TGS1: variants seen among roughly 807,000 people sequenced by gnomAD.
TGS1 encodes trimethylguanosine synthase 1.
TGS1 carries 69 observed loss-of-function variants against 92.2 expected under a neutral mutation model. That is an observed-to-expected ratio of 0.75 (90% confidence interval 0.62 to 0.91). TGS1 has a LOEUF of 0.91. Ranked by LOEUF, TGS1 falls within the 40% of genes least tolerant of loss-of-function variation. TGS1 has a pLI of 0.00. For missense variants in TGS1, 1,062 were observed against 1,001.2 expected (o/e 1.06, Z -0.82); for synonymous variants, 345 against 338.1 (o/e 1.02, Z -0.22).
intron 12 of TGS1, among the ~76,000 whole-genome samples, chr8:55,817,846 G>T (rs1016030671): frequency 1.3e-5 from 2 of 152,188 alleles, no homozygotes; most frequent in African/African-American, 4.8e-5. Flanking sequence ...ACTCACAAGT[G>T]CATTCATCCT....
At chr8:55,789,864 A>G (rs1364391931) in intron 4 of TGS1, among the ~76,000 whole-genome samples, 1 of 152,234 alleles carries the variant, frequency 6.6e-6, no homozygotes, top group Non-Finnish European at 1.5e-5. Flanking sequence ...TGTGCTTGAT[A>G]CAAGAGTAGG....
chr8:55,812,832 C>G (rs1270320442), intron 11 of TGS1, among the ~76,000 whole-genome samples: 1 of 152,174 alleles, frequency 6.6e-6, no homozygotes, highest in African/African-American at 2.4e-5. Context: ...GAAATCGATT[C>G]AACTGTCAGT....
intron 12 of TGS1, among the ~76,000 whole-genome samples, chr8:55,821,910 C>T (rs1325655861): frequency 6.6e-6 from 1 of 150,716 alleles, no homozygotes; most frequent in Non-Finnish European, 1.5e-5. Flanking sequence ...ATTTATAGTA[C>T]CTTTATTTTT....
intron 9 of TGS1, among the ~76,000 whole-genome samples, chr8:55,804,441 C>CA (rs910215191): frequency 5.1e-4 from 77 of 149,944 alleles, no homozygotes; most frequent in Non-Finnish European, 8.6e-4. Flanking sequence ...ACACTGTCTC[C>CA]AAAAAAAAAT....
At chr8:55,805,696 G>A (rs552844613) in intron 10 of TGS1, among the ~76,000 whole-genome samples, 1 of 151,796 alleles carries the variant, frequency 6.6e-6, no homozygotes, top group South Asian at 2.1e-4. Flanking sequence ...CACCAGCCTG[G>A]CCAACATGGT....
chr8:55,798,897 T>C lies in TGS1; in HGVS notation c.1543-17T>C. 1 of 1,571,338 alleles carries C rather than the reference T, an allele frequency of 6.4e-7. No individual in the cohort carries two copies. The highest frequency in any genetic ancestry group is 2.2e-5 in the East Asian group (1 of 44,602). ...TTGGAATTAATTCCTGCTCATGATG[T>C]CATCTTAAAATTTAAGGTAGAAAAA... On this transcript the variant is annotated splice_polypyrimidine_tract_variant and intron_variant, in intron 7 of 12. Transcript: ENST00000260129.
chr8:55,809,884 T>G (rs1803293386), intron 10 of TGS1, among the ~76,000 whole-genome samples: 1 of 151,474 alleles, frequency 6.6e-6, no homozygotes, highest in Non-Finnish European at 1.5e-5. Context: ...TTTAGTATCA[T>G]CAGCATATCT....
intron 1 of TGS1, among the ~76,000 whole-genome samples, chr8:55,781,902 C>G (rs1327832093): frequency 3.3e-5 from 5 of 152,136 alleles, no homozygotes; most frequent in Admixed American, 2.0e-4. Context: ...ATATTAAAAG[C>G]AGAGTCTTCC....
rs372392195 is a variant in TGS1, at chr8:55,802,528, G to A, written c.1921G>A (p.Val641Ile). 8.7e-6 allele frequency: 14 copies of A among 1,614,126 alleles called. No homozygotes were observed. In the African/African-American group the frequency reaches 1.7e-4, roughly 20 times the overall value. ...TGGTCTGCCTCCTGAAATAGCTGCT[G>A]TTCCTGAGCTGGCAAAATACTGGGC... ...VNGLPPEIAA[V>I]PELAKYWAQR... is the part of the protein sequence containing the mutation. Residue 641 changes from valine (V) to isoleucine (I), a missense_variant, in exon 9 of 13, where the codon GTT becomes ATT. Coordinates refer to ENST00000260129, the MANE Select transcript of TGS1 (RefSeq NM_024831.8).
intron 12 of TGS1, among the ~76,000 whole-genome samples, chr8:55,814,659 T>TAA (rs1186059592): frequency 0.013 from 1,461 of 116,000 alleles, 31 homozygotes; most frequent in Middle Eastern, 0.027. Context: ...CGTCTCTACT[T>TAA]AAAAAAAAAA....
intron 2 of TGS1, among the ~76,000 whole-genome samples, chr8:55,783,038 C>T (rs1017622880): frequency 2.0e-5 from 3 of 152,102 alleles, no homozygotes; most frequent in African/African-American, 7.2e-5. Flanking sequence ...CTTAATGTAG[C>T]CTCTTTTGCT....
At chr8:55,810,046 T>G (rs1431122643) in intron 10 of TGS1, among the ~76,000 whole-genome samples, 4 of 152,236 alleles carry the variant, frequency 2.6e-5, no homozygotes, top group Non-Finnish European at 4.4e-5. Context: ...ATATTTATTG[T>G]TCAAGTGATT....
chr8:55,801,314 A>G (rs1439351210), intron 8 of TGS1, among the ~76,000 whole-genome samples: 1 of 152,222 alleles, frequency 6.6e-6, no homozygotes, highest in East Asian at 1.9e-4. Flanking sequence ...TCTGTTGCCC[A>G]GGCTGGAGTG....
intron 7 of TGS1, among the ~76,000 whole-genome samples, chr8:55,797,696 A>G (rs1585773181): frequency 6.6e-6 from 1 of 152,190 alleles, no homozygotes; most frequent in Admixed American, 6.5e-5. Context: ...TTACCTTTCT[A>G]TATTCTAAGG....
At chr8:55,780,461 CTGTG>C in intron 1 of TGS1, among the ~76,000 whole-genome samples, 1 of 152,290 alleles carries the variant, frequency 6.6e-6, no homozygotes, top group East Asian at 1.9e-4. Context: ...ATGCCCAGCT[CTGTG>C]TGGCCTCAGG....
chr8:55,785,627 G>A, intron 2 of TGS1, 92 bp from the exon 3 acceptor site: 1 of 921,990 alleles, frequency 1.1e-6, no homozygotes, highest in African/African-American at 1.7e-5. Flanking sequence ...TTTTGGGCGG[G>A]TCACTCTGGA....
In TGS1 at chr8:55,786,891, AAC is replaced by A. The variant is rs1811732913; in HGVS notation, c.997_998del (p.Gln333GlufsTer10). The A allele has an allele frequency of 6.2e-7, 1 of 1,614,074 alleles. No homozygotes were observed. The highest frequency in any genetic ancestry group is 1.3e-5 in the African/African-American group (1 of 74,940). On this transcript the variant is annotated frameshift_variant, in exon 4 of 13. Transcript: ENST00000260129. LOFTEE classifies it high-confidence loss of function. ...ACATAAAACTGAATTCAGAGGAAGTAACACAGAGCCAATTAGATTCCTGTACA... is the reference window on the plus strand; with the variant it reads ...ACATAAAACTGAATTCAGAGGAAGTAACAGAGCCAATTAGATTCCTGTACA... ...SNIKLNSEEV[T>X]QSQLDSCTSH...
intron 1 of TGS1, among the ~76,000 whole-genome samples, chr8:55,781,832 A>G (rs575477892): frequency 1.3e-5 from 2 of 152,364 alleles, no homozygotes; most frequent in Admixed American, 6.5e-5. Context: ...TCCACTTGCA[A>G]TTGGCCTTCT....
rs1371602636 is a variant in TGS1, at chr8:55,785,087, CAG to C, written c.167-629_167-628del. Among the ~76,000 whole-genome samples the C allele has an allele frequency of 3.1e-3, 448 of 146,310 alleles. 11 individuals carry two copies. The highest frequency in any genetic ancestry group is 0.028 in the Admixed American group (411 of 14,448). Reference sequence around the variant, plus strand: ...TTTGTTTTTTGTTTTTTTTTTGAGACAGAGTCTCGCTCTCTCACCCAGGCTGG... The same window carrying C: ...TTTGTTTTTTGTTTTTTTTTTGAGACAGTCTCGCTCTCTCACCCAGGCTGG... On this transcript the variant is annotated intron_variant, in intron 2 of 12. Coordinates refer to ENST00000260129, the MANE Select transcript of TGS1 (RefSeq NM_024831.8).
Sources: gnomAD v4.1 joint callset for allele counts (sites outside exome capture counted in the v4.1 genomes callset) on GRCh38, gnomAD v4.1.1 for gene constraint, MANE v1.5 for transcripts, NCBI Gene and HGNC (gene_info 2026-07-23, HGNC 2026-07-21) for gene names.